LRMDA: variants seen among roughly 807,000 people sequenced by gnomAD.
The protein encoded by LRMDA is leucine rich melanocyte differentiation associated.
LRMDA carries 18 observed loss-of-function variants against 29.8 expected under a neutral mutation model. The ratio of observed to expected loss-of-function variants is 0.60; its 90% confidence interval spans 0.42 to 0.90. LRMDA has a LOEUF of 0.90. Ranked by LOEUF, LRMDA falls within the 40% of genes least tolerant of loss-of-function variation. The probability of loss-of-function intolerance (pLI) is 0.00; values close to 1 mark genes in which losing one functional copy is unlikely to be tolerated. For missense variants in LRMDA, 273 were observed against 273.9 expected (o/e 1.00, Z 0.02); for synonymous variants, 125 against 109.4 (o/e 1.14, Z -0.89).
chr10:76,056,747 C>G (rs914430480), intron 4 of LRMDA, among the ~76,000 whole-genome samples: 1 of 152,172 alleles, frequency 6.6e-6, no homozygotes, highest in Non-Finnish European at 1.5e-5. Context: ...TGGGAGCAGG[C>G]ACTCCCAAGC....
At chr10:75,641,521 A>G (rs1352982481) in intron 2 of LRMDA, among the ~76,000 whole-genome samples, 1 of 152,126 alleles carries the variant, frequency 6.6e-6, no homozygotes, top group Non-Finnish European at 1.5e-5. Context: ...ATTTTTAAAG[A>G]CAGAGTCTCG....
chr10:76,450,994 T>TG (rs1589192802), intron 6 of LRMDA, among the ~76,000 whole-genome samples: 1 of 152,324 alleles, frequency 6.6e-6, no homozygotes, highest in East Asian at 1.9e-4. Flanking sequence ...TGTCTTTTTT[T>TG]GTAGAATCCA....
intron 2 of LRMDA, among the ~76,000 whole-genome samples, chr10:75,579,220 T>C (rs889917295): frequency 6.6e-6 from 1 of 152,020 alleles, no homozygotes; most frequent in African/African-American, 2.4e-5. Flanking sequence ...ATAGATGCAA[T>C]AGAAAATGAT....
rs1458912177 is a variant in LRMDA, at chr10:75,679,105, C to A, written c.131+240611C>A. On this transcript the variant is annotated intron_variant, in intron 2 of 6. Transcript: ENST00000611255. The stretch of plus-strand genomic sequence containing the variant: ...TTCAGTCCTTCTGAAGCAATCTGTT[C>A]TGTTTTTAGAAAGCACCATTTGAAA... 2.0e-5 allele frequency among the ~76,000 whole-genome samples: 3 copies of A among 152,164 alleles called. No homozygotes were observed. The South Asian group carries it at 6.2e-4, about 32-fold the overall frequency.
chr10:76,013,217 C>A (rs555834144), intron 2 of LRMDA, among the ~76,000 whole-genome samples: 8 of 152,078 alleles, frequency 5.3e-5, no homozygotes, highest in South Asian at 4.2e-4. Flanking sequence ...GAATGGCTGC[C>A]CAGGTGGCGC....
intron 2 of LRMDA, among the ~76,000 whole-genome samples, chr10:75,576,202 C>T (rs1427907091): frequency 6.6e-6 from 1 of 152,200 alleles, no homozygotes; most frequent in African/African-American, 2.4e-5. Flanking sequence ...TCCACCATTG[C>T]TGAGGCTTGA....
chr10:75,467,147 C>T (rs961056784), intron 2 of LRMDA, among the ~76,000 whole-genome samples: 2 of 152,094 alleles, frequency 1.3e-5, no homozygotes, highest in South Asian at 2.1e-4. Context: ...ATATGGCAGT[C>T]GGCCCATCCT....
At chr10:75,827,482 AT>A in intron 2 of LRMDA, among the ~76,000 whole-genome samples, 1 of 152,208 alleles carries the variant, frequency 6.6e-6, no homozygotes, top group African/African-American at 2.4e-5. Context: ...TCAAAGTTTT[AT>A]TTGGTCTCTT....
At chr10:75,619,521 C>A (rs1564524142) in intron 2 of LRMDA, among the ~76,000 whole-genome samples, 1 of 152,158 alleles carries the variant, frequency 6.6e-6, no homozygotes, top group African/African-American at 2.4e-5. Flanking sequence ...GGGTGAAGGG[C>A]AAACACACAA....
intron 2 of LRMDA, among the ~76,000 whole-genome samples, chr10:75,927,104 G>A (rs1457984674): frequency 6.6e-6 from 1 of 152,178 alleles, no homozygotes; most frequent in African/African-American, 2.4e-5. Context: ...AATGGATAGA[G>A]CTTAACTAGC....
At chr10:76,249,328 C>A (rs892132247) in intron 5 of LRMDA, among the ~76,000 whole-genome samples, 5 of 152,156 alleles carry the variant, frequency 3.3e-5, no homozygotes, top group African/African-American at 9.7e-5. Context: ...AAAGGAGGTT[C>A]AATTCATGAT....
chr10:75,885,187 G>A lies in LRMDA; in HGVS notation c.132-150821G>A, dbSNP rs1430919232. On this transcript the variant is annotated intron_variant, in intron 2 of 6. Transcript: ENST00000611255. ...CCCAAGGCCTCTCAGGCATTGCTGT[G>A]CTTCCTCACCCTGCAATGCTGCCGC... 2.0e-5 allele frequency among the ~76,000 whole-genome samples: 3 copies of A among 152,210 alleles called. No homozygotes were observed. In the East Asian group the frequency reaches 5.8e-4, roughly 29 times the overall value.
intron 5 of LRMDA, among the ~76,000 whole-genome samples, chr10:76,251,211 T>C (rs972627294): frequency 6.7e-6 from 1 of 149,314 alleles, no homozygotes; most frequent in African/African-American, 2.5e-5. Flanking sequence ...CATTGAAGGT[T>C]ATCTCCCGTC....
chr10:76,307,243 A>C lies in LRMDA; in HGVS notation c.517-17158A>C, dbSNP rs556041046. Among the ~76,000 whole-genome samples the C allele has an allele frequency of 2.0e-5, 3 of 152,288 alleles. No individual in the cohort carries two copies. In the East Asian group the frequency reaches 5.8e-4, roughly 29 times the overall value. On this transcript the variant is annotated intron_variant, in intron 5 of 6. Transcript: ENST00000611255. Reference sequence around the variant, plus strand: ...TGCCTGATGTCAACTAAGATCCTGAAAGGTATAAACTTTATGATATCTGCA... The same window carrying C: ...TGCCTGATGTCAACTAAGATCCTGACAGGTATAAACTTTATGATATCTGCA...
intron 2 of LRMDA, among the ~76,000 whole-genome samples, chr10:75,531,388 C>T (rs1199314042): frequency 6.6e-6 from 1 of 152,156 alleles, no homozygotes; most frequent in East Asian, 1.9e-4. Context: ...CTAAAGTTTC[C>T]CTTCCTTCAC....
At chr10:76,411,210 G>A (rs1415789515) in intron 6 of LRMDA, among the ~76,000 whole-genome samples, 1 of 152,176 alleles carries the variant, frequency 6.6e-6, no homozygotes, top group Non-Finnish European at 1.5e-5. Flanking sequence ...TCACTTGCAG[G>A]CTGAGTTTGT....
At chr10:75,643,252 TAATA>T (rs1014271154) in intron 2 of LRMDA, 1 of 152,058 alleles carries the variant, frequency 6.6e-6, no homozygotes, top group Non-Finnish European at 1.5e-5. Flanking sequence ...AGAAACTGTG[TAATA>T]AATAACTAAG....
intron 2 of LRMDA, among the ~76,000 whole-genome samples, chr10:75,836,844 A>G (rs1844446068): frequency 1.3e-5 from 2 of 152,106 alleles, no homozygotes; most frequent in Admixed American, 1.3e-4. Flanking sequence ...TTTTAACAGC[A>G]TTGGCCACAG....
intron 6 of LRMDA, among the ~76,000 whole-genome samples, chr10:76,531,743 T>C (rs1843236324): frequency 6.6e-6 from 1 of 152,204 alleles, no homozygotes. Flanking sequence ...CCAGTACTTT[T>C]CCTTCCTTTT....
Sources: gnomAD v4.1 joint callset for allele counts (sites outside exome capture counted in the v4.1 genomes callset) on GRCh38, gnomAD v4.1.1 for gene constraint, MANE v1.5 for transcripts, NCBI Gene and HGNC (gene_info 2026-07-23, HGNC 2026-07-21) for gene names.